The following SMAP1 variants were observed in gnomAD, a reference collection of about 807,000 sequenced individuals.
SMAP1 encodes the protein stromal membrane-associated protein 1.
In SMAP1, 24 loss-of-function variants were observed where a neutral mutation model predicts 58.5. The observed-to-expected ratio is 0.41, with a 90% CI of 0.30 to 0.58. The LOEUF (loss-of-function observed/expected upper bound fraction) is 0.58. Ranked by LOEUF, SMAP1 falls within the 20% of genes least tolerant of loss-of-function variation. SMAP1 has a pLI of 0.29. For synonymous variants in SMAP1, 216 were observed against 196.6 expected, an observed-to-expected ratio of 1.10 and a Z score of -0.82; for missense variants, 563 against 566.3, an observed-to-expected ratio of 0.99 and a Z score of 0.06.
At chr6:70,769,261 T>G (rs1767155524) in intron 3 of SMAP1, among the ~76,000 whole-genome samples, 1 of 152,240 alleles carries the variant, frequency 6.6e-6, no homozygotes. Context: ...TAGATGTCTA[T>G]TAAGTCCGCT....
At chr6:70,732,986 T>A (rs1379557122) in intron 2 of SMAP1, among the ~76,000 whole-genome samples, 1 of 152,226 alleles carries the variant, frequency 6.6e-6, no homozygotes, top group Non-Finnish European at 1.5e-5. Flanking sequence ...AACTTACTTA[T>A]GAGTGGTTTA....
In SMAP1 at chr6:70,837,034, TAATA is replaced by T; in HGVS notation, c.664+9_664+12del. On this transcript the variant is annotated splice_region_variant and intron_variant, in intron 7 of 10. Coordinates refer to ENST00000370455, the MANE Select transcript of SMAP1 (RefSeq NM_001044305.3). ...TGTGGATCTTTTAGGACTTGGTAAG[TAATA>T]AAAAATAAAAGTCACTGCTGGAGTT... 1 of 1,557,916 alleles carries T rather than the reference TAATA, an allele frequency of 6.4e-7. No homozygotes were observed. Among genetic ancestry groups the T allele is most frequent in the Non-Finnish European group, 8.7e-7 (1 of 1,154,306 alleles).
intron 4 of SMAP1, among the ~76,000 whole-genome samples, chr6:70,778,262 A>G (rs1265688417): frequency 6.6e-6 from 1 of 152,156 alleles, no homozygotes; most frequent in South Asian, 2.1e-4. Context: ...AAGATTGGTG[A>G]AAGTGGGTAT....
chr6:70,797,615 T>C (rs1768657658), intron 5 of SMAP1, among the ~76,000 whole-genome samples: 1 of 152,172 alleles, frequency 6.6e-6, no homozygotes, highest in Non-Finnish European at 1.5e-5. Flanking sequence ...TTATTATTTC[T>C]CTCACATTAT....
At chr6:70,673,261 C>G (rs1314589557) in intron 1 of SMAP1, among the ~76,000 whole-genome samples, 1 of 152,182 alleles carries the variant, frequency 6.6e-6, no homozygotes, top group African/African-American at 2.4e-5. Context: ...TGCTTCTCAC[C>G]CAGGAGACTG....
intron 1 of SMAP1, among the ~76,000 whole-genome samples, chr6:70,702,403 G>C (rs1767670454): frequency 6.6e-6 from 1 of 151,562 alleles, no homozygotes; most frequent in Non-Finnish European, 1.5e-5. Flanking sequence ...GAGGGGGTCT[G>C]TTTATTTGTT....
At chr6:70,702,929 T>TC (rs1433333044) in intron 1 of SMAP1, among the ~76,000 whole-genome samples, 1 of 152,126 alleles carries the variant, frequency 6.6e-6, no homozygotes, top group Non-Finnish European at 1.5e-5. Flanking sequence ...ACTGTGCCTG[T>TC]CCCCATGTTC....
At chr6:70,721,835 G>A (rs1184580507) in intron 1 of SMAP1, among the ~76,000 whole-genome samples, 1 of 152,116 alleles carries the variant, frequency 6.6e-6, no homozygotes, top group African/African-American at 2.4e-5. Flanking sequence ...GTCAGATTTC[G>A]TGAGACTTAT....
intron 1 of SMAP1, among the ~76,000 whole-genome samples, chr6:70,709,660 A>G (rs1471269121): frequency 1.3e-5 from 2 of 152,024 alleles, no homozygotes; most frequent in African/African-American, 4.8e-5. Flanking sequence ...GATGCCTGCA[A>G]CCTTATTTTT....
chr6:70,732,008 AT>A (rs148353461), intron 1 of SMAP1, among the ~76,000 whole-genome samples: 5,583 of 151,790 alleles, frequency 0.037, 115 homozygotes, highest in African/African-American at 0.053. Context: ...TTGATTTTTT[AT>A]TTGTTGTTAA....
chr6:70,698,158 A>T (rs544519605), intron 1 of SMAP1, among the ~76,000 whole-genome samples: 14 of 152,168 alleles, frequency 9.2e-5, no homozygotes, highest in Non-Finnish European at 2.1e-4. Flanking sequence ...CACTTGAAGG[A>T]TATTTTCACT....
chr6:70,688,680 G>GAT (rs974948234), intron 1 of SMAP1, among the ~76,000 whole-genome samples: 18 of 152,234 alleles, frequency 1.2e-4, no homozygotes, highest in African/African-American at 4.1e-4. Context: ...ATATATTCTA[G>GAT]ATACTAGTCG....
At chr6:70,771,461 G>A (rs565008201) in intron 3 of SMAP1, among the ~76,000 whole-genome samples, 200 of 152,332 alleles carry the variant, frequency 1.3e-3, no homozygotes, top group African/African-American at 4.4e-3. Flanking sequence ...AATGGCGGGC[G>A]CCCCTCCCCT....
At chr6:70,824,426 T>C (rs2149985047) in intron 6 of SMAP1, among the ~76,000 whole-genome samples, 1 of 152,214 alleles carries the variant, frequency 6.6e-6, no homozygotes, top group East Asian at 1.9e-4. Flanking sequence ...AAAACAGGAA[T>C]AAAAAGTACC....
intron 6 of SMAP1, among the ~76,000 whole-genome samples, chr6:70,831,320 A>G (rs1215957053): frequency 2.0e-5 from 3 of 152,032 alleles, no homozygotes; most frequent in Non-Finnish European, 4.4e-5. Flanking sequence ...TTAGTTATGT[A>G]GGTAAATTGC....
intron 1 of SMAP1, among the ~76,000 whole-genome samples, chr6:70,705,730 G>T (rs1268465768): frequency 6.6e-6 from 1 of 152,190 alleles, no homozygotes; most frequent in Admixed American, 6.5e-5. Flanking sequence ...GACAGGTATA[G>T]CGTTCTTATT....
At chr6:70,694,188 A>C (rs1767303761) in intron 1 of SMAP1, 1 of 326,408 alleles carries the variant, frequency 3.1e-6, no homozygotes, top group Non-Finnish European at 6.1e-6. Context: ...TCGAGGCTAT[A>C]ACTTGATCTA....
At chr6:70,796,106 A>G (rs768597055) in intron 5 of SMAP1, among the ~76,000 whole-genome samples, 15 of 152,168 alleles carry the variant, frequency 9.9e-5, no homozygotes, top group South Asian at 2.1e-4. Context: ...TATAGAAAAC[A>G]TTTTATAATA....
chr6:70,827,871 C>T (rs1740556688), intron 6 of SMAP1, among the ~76,000 whole-genome samples: 2 of 151,846 alleles, frequency 1.3e-5, no homozygotes, highest in South Asian at 4.2e-4. Flanking sequence ...GTAATAAATC[C>T]TAAAAATACA....
Sources: allele counts gnomAD v4.1 joint callset (sites outside exome capture counted in the v4.1 genomes callset), GRCh38; gene constraint gnomAD v4.1.1; transcripts MANE v1.5; gene names NCBI Gene and HGNC (gene_info 2026-07-23, HGNC 2026-07-21).